Variants in WWP2 observed in about 807,000 individuals in gnomAD.
WWP2 encodes the protein NEDD4-like E3 ubiquitin-protein ligase WWP2.
In WWP2, 57 loss-of-function variants were observed where a neutral mutation model predicts 121.0. The ratio of observed to expected loss-of-function variants is 0.47; its 90% CI spans 0.38 to 0.59. The LOEUF is 0.59. WWP2 is among the 20% of genes least tolerant of loss of function. WWP2 has a pLI of 0.00. For missense variants in WWP2, 962 were observed against 1,158.9 expected, an observed-to-expected ratio of 0.83 and a Z score of 2.47; for synonymous variants, 449 against 441.3, an observed-to-expected ratio of 1.02 and a Z score of -0.22.
chr16:69,931,119 G>T (rs1000146646), intron 13 of WWP2, 33 bp from the exon 14 acceptor site: 6 of 1,604,730 alleles, frequency 3.7e-6, no homozygotes, highest in Non-Finnish European at 5.1e-6. Flanking sequence ...CTGAGAAATC[G>T]CATGAACCCC....
At chr16:69,871,751 C>T in intron 6 of WWP2, 53 bp from the exon 7 acceptor site, 2 of 1,606,204 alleles carry the variant, frequency 1.2e-6, no homozygotes, top group Non-Finnish European at 1.7e-6. Context: ...GGAAACACTT[C>T]TGTCCTTTTC....
intron 1 of WWP2, among the ~76,000 whole-genome samples, chr16:69,770,789 G>T (rs1231956439): frequency 6.6e-6 from 1 of 152,054 alleles, no homozygotes; most frequent in Non-Finnish European, 1.5e-5. Context: ...GCCAGCTGCA[G>T]AATTGATTGC....
chr16:69,899,361 A>C (rs1388907730), intron 8 of WWP2, among the ~76,000 whole-genome samples: 1 of 152,056 alleles, frequency 6.6e-6, no homozygotes, highest in African/African-American at 2.4e-5. Context: ...AACAACAACA[A>C]CACAAATTTT....
At chr16:69,848,682 C>T (rs2057137394) in intron 6 of WWP2, among the ~76,000 whole-genome samples, 1 of 146,284 alleles carries the variant, frequency 6.8e-6, no homozygotes, top group Non-Finnish European at 1.5e-5. Context: ...ATAGAGCCTT[C>T]AACAATTTAT....
At chr16:69,837,992 G>A (rs1019854951) in intron 4 of WWP2, among the ~76,000 whole-genome samples, 1 of 152,160 alleles carries the variant, frequency 6.6e-6, no homozygotes, top group East Asian at 1.9e-4. Context: ...GGAGGCCAAG[G>A]TGGGAGGATT....
chr16:69,836,072 G>A (rs532891828), intron 4 of WWP2, among the ~76,000 whole-genome samples: 10 of 151,996 alleles, frequency 6.6e-5, no homozygotes, highest in Non-Finnish European at 8.8e-5. Flanking sequence ...CAAAGTGCTG[G>A]GATTACAGAC....
At chr16:69,866,661 G>A (rs1473017149) in intron 6 of WWP2, among the ~76,000 whole-genome samples, 1 of 152,058 alleles carries the variant, frequency 6.6e-6, no homozygotes, top group East Asian at 1.9e-4. Flanking sequence ...TTAAGGTTGA[G>A]TAATACTCAT....
intron 4 of WWP2, among the ~76,000 whole-genome samples, chr16:69,831,827 CTTTTTT>C (rs548609220): frequency 2.8e-5 from 3 of 109,070 alleles, no homozygotes; most frequent in Admixed American, 9.1e-5. Context: ...AAAACAAAAC[CTTTTTT>C]TTTTTTTTTT....
rs147364595 is a variant in WWP2, at chr16:69,823,363, A to G, written c.341-16763A>G. 3.1e-3 allele frequency among the ~76,000 whole-genome samples: 467 copies of G among 152,286 alleles called. 7 individuals carry two copies. The highest frequency in any genetic ancestry group is 0.011 in the African/African-American group (437 of 41,560). The stretch of plus-strand genomic sequence containing the variant: ...CAGGTAGCTGTGGCCCCCATATTGG[A>G]CAGTGCAGGTCTAGAGGTTGAGTCC... On this transcript the variant is annotated intron_variant, in intron 4 of 23. Coordinates refer to ENST00000359154, the MANE Select transcript of WWP2 (RefSeq NM_001270454.2).
rs1324982324 is a variant in WWP2, at chr16:69,934,121, A to G, written c.1834A>G (p.Ile612Val). The change falls in exon 17 of 24, where the codon ATC becomes GTC. Residue 612 changes from isoleucine (I) to valine (V), a missense_variant. Around this residue, in one of 3 missense-constraint regions of WWP2, gnomAD observed 606 missense variants for 772.6 expected, o/e 0.78. Coordinates refer to ENST00000359154, the MANE Select transcript of WWP2 (RefSeq NM_001270454.2). ...CTACTTTCGCTTTATAGGCAGATTC[A>G]TCGCCATGGTAAGGGGGCCCCAGGG... Reference protein sequence around the residue: ...LTYFRFIGRFIAMALYHGKFI... With the variant: ...LTYFRFIGRFVAMALYHGKFI... The G allele has an allele frequency of 6.2e-7, 1 of 1,614,162 alleles. No individual in the cohort carries two copies. Among genetic ancestry groups the G allele is most frequent in the Non-Finnish European group, 8.5e-7 (1 of 1,180,006 alleles).
chr16:69,852,595 A>C (rs955775410), intron 6 of WWP2, among the ~76,000 whole-genome samples: 1 of 152,152 alleles, frequency 6.6e-6, no homozygotes, highest in African/African-American at 2.4e-5. Context: ...GAGTCTTTTC[A>C]TATGCTTATA....
chr16:69,828,057 T>C, intron 4 of WWP2: 1 of 375,052 alleles, frequency 2.7e-6, no homozygotes, highest in Admixed American at 3.6e-5. Context: ...CTGAATTGTG[T>C]GTGCATATGT....
intron 8 of WWP2, chr16:69,890,699 G>A (rs1567410577): frequency 6.6e-6 from 1 of 152,130 alleles, no homozygotes; most frequent in Non-Finnish European, 1.5e-5. Flanking sequence ...GGCTCAACAT[G>A]TCTTTATGTA....
intron 6 of WWP2, among the ~76,000 whole-genome samples, chr16:69,871,371 A>G (rs986698667): frequency 6.6e-6 from 1 of 152,228 alleles, no homozygotes; most frequent in Non-Finnish European, 1.5e-5. Context: ...TGCCAAGGGA[A>G]TCATCTTTCT....
At chr16:69,848,041 A>G (rs958815562) in intron 6 of WWP2, among the ~76,000 whole-genome samples, 1 of 152,210 alleles carries the variant, frequency 6.6e-6, no homozygotes, top group Non-Finnish European at 1.5e-5. Flanking sequence ...TTCCATAGTC[A>G]TACAGGGAAA....
At position 69,816,600 on chromosome 16, in the gene WWP2, T is replaced by A. The variant is rs530867489; in HGVS notation, c.340+17305T>A. On this transcript the variant is annotated intron_variant, in intron 4 of 23. Transcript: ENST00000359154. The stretch of plus-strand genomic sequence containing the variant: ...AACATTATTAGTATTTTTCTGATTA[T>A]TATTATTTCATGCCTATTACTAAAA... Among the ~76,000 whole-genome samples the A allele has an allele frequency of 3.3e-5, 5 of 151,944 alleles. No individual in the cohort carries two copies. The East Asian group carries it at 9.6e-4, about 29-fold the overall frequency.
At position 69,840,161 on chromosome 16, in the gene WWP2, G is replaced by T. The variant is rs2056950563; in HGVS notation, c.376G>T (p.Glu126Ter). The change falls in exon 5 of 24, where the codon GAG (glutamate) becomes TAG (stop). Residue 126 changes from glutamate (E) to a stop codon, truncating the protein, a stop_gained. Coordinates refer to ENST00000359154, the MANE Select transcript of WWP2 (RefSeq NM_001270454.2). LOFTEE classifies it high-confidence loss of function. ...GCAGCTGACCCTGAACCTGCAGACG[G>T]AGAACAAAGGCAGCGTTGTCTCAGG... is the stretch of plus-strand genomic sequence containing the variant. ...NMQLTLNLQTENKGSVVSGGE... is the reference protein window; with the variant it reads ...NMQLTLNLQT 1 of 1,614,152 alleles carries T rather than the reference G, an allele frequency of 6.2e-7. No individual in the cohort carries two copies. Among genetic ancestry groups the T allele is most frequent in the African/African-American group, 1.3e-5 (1 of 74,952 alleles).
chr16:69,806,934 T>TTTTATTTATTTATTTATTTA lies in WWP2; in HGVS notation c.340+7642_340+7661dup, dbSNP rs745755357. Among the ~76,000 whole-genome samples the TTTTATTTATTTATTTATTTA allele has an allele frequency of 1.6e-3, 238 of 148,478 alleles. 1 individual carries two copies. Among genetic ancestry groups the TTTTATTTATTTATTTATTTA allele is most frequent in the South Asian group, 3.7e-3 (17 of 4,624 alleles). ...TTTTCTACTATTTGCCCTAGATCTG[T>TTTTATTTATTTATTTATTTA]TTTATTTATTTATTTATTTATTCAT... On this transcript the variant is annotated intron_variant, in intron 4 of 23. Transcript: ENST00000359154.
At chr16:69,908,454 C>G (rs1042440775) in intron 8 of WWP2, among the ~76,000 whole-genome samples, 1 of 150,892 alleles carries the variant, frequency 6.6e-6, no homozygotes, top group Admixed American at 6.6e-5. Context: ...TGGAGAAATG[C>G]TGAATTTTTT....
Sources: gnomAD v4.1 joint callset for allele counts (sites outside exome capture counted in the v4.1 genomes callset) on GRCh38, gnomAD v4.1.1 for gene constraint, gnomAD v4.1.1 regional missense constraint, MANE v1.5 for transcripts, NCBI Gene and HGNC (gene_info 2026-07-23, HGNC 2026-07-21) for gene names.